The following A3GALT2 variants were observed in gnomAD, a reference collection of about 807,000 sequenced individuals.
The protein encoded by A3GALT2 is alpha-1,3-galactosyltransferase 2.
In A3GALT2, 14 loss-of-function variants were observed where a neutral mutation model predicts 16.6. That is an observed-to-expected ratio of 0.84 (90% CI 0.56 to 1.32). The LOEUF is 1.32. A3GALT2 is among the 40% of genes most tolerant of loss of function. The pLI is 0.00. For missense variants in A3GALT2, 600 were observed against 490.9 expected (o/e 1.22, Z -2.10); for synonymous variants, 253 against 218.0 (o/e 1.16, Z -1.42).
Position 33,312,798 on chromosome 1 carries a change from G to T in A3GALT2, c.107+9C>A. 1 of 1,593,576 alleles carries T rather than the reference G, an allele frequency of 6.3e-7. No individual in the cohort carries two copies. ...TCCTACCTCAAGTGCTGGGGAAAGG[G>T]GCTTTTACCTGAATTTAGGGAGGCC... On this transcript the variant is annotated intron_variant, in intron 2 of 4. Coordinates refer to ENST00000442999, the MANE Select transcript of A3GALT2 (RefSeq NM_001080438.1).
At chr1:33,317,875 C>A (rs1388012443) in intron 1 of A3GALT2, among the ~76,000 whole-genome samples, 1 of 152,186 alleles carries the variant, frequency 6.6e-6, no homozygotes, top group Non-Finnish European at 1.5e-5. Context: ...GGAGCATTTC[C>A]TTTGAATGTC....
Position 33,307,245 on chromosome 1 carries a change from C to A in A3GALT2, c.544G>T (p.Ala182Ser). 1 of 1,478,978 alleles carries A rather than the reference C, an allele frequency of 6.8e-7. No individual in the cohort carries two copies. Among genetic ancestry groups the A allele is most frequent in the Non-Finnish European group, 9.0e-7 (1 of 1,116,104 alleles). The allele number at this position is 1,478,978 out of a possible 1,614,324, so 91.6% of individuals were successfully genotyped here. Residue 182 changes from alanine (A) to serine (S), a missense_variant, in exon 5 of 5, where the codon GCG (alanine) becomes TCG (serine). By Grantham distance (99) the Ala-to-Ser change is moderately conservative (BLOSUM62 1). Transcript: ENST00000442999. ...VSMARMRTLH[A>S]ALGGLPGREA... Reference sequence around the variant, plus strand: ...CGGCCCGGCAGCCCGCCCAGCGCCGCGTGCAACGTGCGCATGCGCGCCATC... The same window carrying A: ...CGGCCCGGCAGCCCGCCCAGCGCCGAGTGCAACGTGCGCATGCGCGCCATC...
At chr1:33,319,504 T>C (rs941901054) in intron 1 of A3GALT2, among the ~76,000 whole-genome samples, 5 of 152,212 alleles carry the variant, frequency 3.3e-5, no homozygotes, top group Admixed American at 6.5e-5. Context: ...CCCTCTTTGC[T>C]ACACATATAA....
At chr1:33,312,963 G>A (rs531531011) in intron 1 of A3GALT2, 73 bp from the exon 2 acceptor site, 14 of 1,209,618 alleles carry the variant, frequency 1.2e-5, no homozygotes, top group Non-Finnish European at 1.7e-5. Flanking sequence ...ACACATACAT[G>A]AAAAGTCTTT....
At position 33,309,988 on chromosome 1, in the gene A3GALT2, C is replaced by T. The variant is rs1235118795; in HGVS notation, c.335+2064G>A. Among the ~76,000 whole-genome samples the T allele has an allele frequency of 5.3e-5, 8 of 152,360 alleles. No homozygotes were observed. In the East Asian group the frequency reaches 1.3e-3, roughly 26 times the overall value. The stretch of plus-strand genomic sequence containing the variant: ...TGGAGGTTGTAGCGAACTGAGATCA[C>T]GCCACTGCACTCCAGCCTGGGCAAC... On this transcript the variant is annotated intron_variant, in intron 4 of 4. Transcript: ENST00000442999.
intron 4 of A3GALT2, among the ~76,000 whole-genome samples, chr1:33,310,054 C>T (rs1001668437): frequency 1.4e-4 from 22 of 152,284 alleles, no homozygotes; most frequent in Non-Finnish European, 3.1e-4. Flanking sequence ...GCAATCCCGG[C>T]ACCTCGGGAG....
In A3GALT2 at chr1:33,312,845, G is replaced by T. The variant is rs1646242014; in HGVS notation, c.69C>A (p.Gly23=). ...IFWRQILLTL[G]LLGLFLYGLP... is the part of the protein sequence containing the mutation. ...GGCCATACAGAAACAGGCCTAAGAGGCCAAGTGTAAGTAGGATCTGCCGCC... is the reference window on the plus strand; with the variant it reads ...GGCCATACAGAAACAGGCCTAAGAGTCCAAGTGTAAGTAGGATCTGCCGCC... The change falls in exon 2 of 5, where the codon GGC becomes GGA. Residue 23 remains glycine, a synonymous_variant. Transcript: ENST00000442999. 2 of 1,606,372 alleles carry T rather than the reference G, an allele frequency of 1.2e-6. No homozygotes were observed. The highest frequency in any genetic ancestry group is 1.7e-6 in the Non-Finnish European group (2 of 1,176,624).
At position 33,321,082 on chromosome 1, in the gene A3GALT2, C is replaced by T; in HGVS notation, c.17G>A (p.Gly6Glu). 3.1e-6 allele frequency: 5 copies of T among 1,613,100 alleles called. No homozygotes were observed. The highest frequency in any genetic ancestry group is 2.2e-5 in the East Asian group (1 of 44,866). Residue 6 changes from glycine (G) to glutamate (E), a missense_variant, in exon 1 of 5, where the codon GGA (glycine) becomes GAA (glutamate). Transcript: ENST00000442999. ...TACCATTGTCCCCCCTCACCTGAGT[C>T]CCTCCTTGAGAGCCATATGGGGAAG... MALKE[G>E]LRAWKRIFWR...
Position 33,307,005 on chromosome 1 carries a change from C to T in A3GALT2, c.784G>A (p.Val262Met). The change falls in exon 5 of 5, where the codon GTG becomes ATG. Residue 262 changes from valine (V) to methionine (M), a missense_variant. Val to Met is a conservative substitution (Grantham distance 21). Coordinates refer to ENST00000442999, the MANE Select transcript of A3GALT2 (RefSeq NM_001080438.1). ...YNHAAVFGGSVAALRGLTAHC... is the reference protein window; with the variant it reads ...YNHAAVFGGSMAALRGLTAHC... ...GCCGTCAGCCCGCGCAGCGCCGCCA[C>T]GCTGCCCCCGAACACCGCCGCGTGG... The T allele has an allele frequency of 6.9e-7, 1 of 1,458,576 alleles. No homozygotes were observed. The allele number at this position is 1,458,576 out of a possible 1,614,324, so 90.4% of individuals were successfully genotyped here.
chr1:33,311,877 G>A (rs1039264935), intron 4 of A3GALT2, among the ~76,000 whole-genome samples, 175 bp downstream of exon 4: 2 of 152,232 alleles, frequency 1.3e-5, no homozygotes, highest in Non-Finnish European at 2.9e-5. Context: ...CAGGGAGGAG[G>A]AGAAGGATGG....
At chr1:33,308,573 T>G (rs893455308) in intron 4 of A3GALT2, among the ~76,000 whole-genome samples, 6 of 151,376 alleles carry the variant, frequency 4.0e-5, no homozygotes, top group Admixed American at 6.6e-5. Flanking sequence ...CCCGGCCAAT[T>G]TTTTTGTATT....
Position 33,307,253 on chromosome 1 carries a change from G to A in A3GALT2, c.536C>T (p.Thr179Met), listed in dbSNP as rs1194280556. 1.4e-6 allele frequency: 2 copies of A among 1,469,806 alleles called. No individual in the cohort carries two copies. Among genetic ancestry groups the A allele is most frequent in the Middle Eastern group, 1.7e-4 (1 of 5,738 alleles). The allele number at this position is 1,469,806 out of a possible 1,614,324, so 91.0% of individuals were successfully genotyped here. A position where few individuals can be genotyped will look rare whatever the true frequency, so the allele number is the denominator to read the frequency against. Residue 179 changes from threonine to methionine, a missense_variant, in exon 5 of 5, where the codon ACG (threonine) becomes ATG (methionine). Coordinates refer to ENST00000442999, the MANE Select transcript of A3GALT2 (RefSeq NM_001080438.1). ...CAGCCCGCCCAGCGCCGCGTGCAAC[G>A]TGCGCATGCGCGCCATCGACACGTC... The part of the protein sequence containing the change: ...WQDVSMARMR[T>M]LHAALGGLPG...
In A3GALT2 at chr1:33,320,360, A is replaced by G. The variant is rs987370951; in HGVS notation, c.23+716T>C. Among the ~76,000 whole-genome samples the G allele has an allele frequency of 6.6e-6, 1 of 152,034 alleles. No individual in the cohort carries two copies. The highest frequency in any genetic ancestry group is 2.4e-5 in the African/African-American group (1 of 41,452). On this transcript the variant is annotated intron_variant, in intron 1 of 4. Transcript: ENST00000442999. This position sits in a 1 kb window ranked among gnomAD's most constrained non-coding sequence, Gnocchi z 4.3. Reference sequence around the variant, plus strand: ...TCACCAGCCTCCTCCCAACCAGGGTAGGGCAAACCGATGCTTATTCTGGGC... The same window carrying G: ...TCACCAGCCTCCTCCCAACCAGGGTGGGGCAAACCGATGCTTATTCTGGGC...
At chr1:33,317,644 C>T (rs1235451629) in intron 1 of A3GALT2, among the ~76,000 whole-genome samples, 1 of 152,164 alleles carries the variant, frequency 6.6e-6, no homozygotes, top group Non-Finnish European at 1.5e-5. Flanking sequence ...TTCCCATAGC[C>T]TTCTCTGAAA....
rs775876077 is a variant in A3GALT2 at position 33,312,184 on chromosome 1, C to T, written c.203G>A (p.Arg68Gln). 17 of 1,613,116 alleles carry T rather than the reference C, an allele frequency of 1.1e-5. No individual in the cohort carries two copies. Among genetic ancestry groups the T allele is most frequent in the Middle Eastern group, 3.3e-4 (2 of 6,084 alleles). Residue 68 changes from arginine to glutamine, a missense_variant, in exon 4 of 5, where the codon CGG (arginine) becomes CAG (glutamine). Transcript: ENST00000442999. ...GGGGGTACAGGTCAGAACTTCAGGC[C>T]GGGCCCTGGCCAGGGCAGGGATGGG... ...NFTGALRPWA[R>Q]PEVLTCTPWG...
intron 4 of A3GALT2, among the ~76,000 whole-genome samples, chr1:33,308,750 G>GTTTTTTTTTTTTTTTGTTTTTT (rs1646216436): frequency 2.2e-5 from 1 of 46,130 alleles, no homozygotes; most frequent in South Asian, 1.0e-3. Flanking sequence ...TGTCAAAGTT[G>GTTTTTTTTTTTTTTTGTTTTTT]TTTTTTTTTT....
chr1:33,310,032 G>C (rs1207798460), intron 4 of A3GALT2, among the ~76,000 whole-genome samples: 1 of 152,250 alleles, frequency 6.6e-6, no homozygotes, highest in South Asian at 2.1e-4. Flanking sequence ...CTGAGTGAGC[G>C]AGACTCCGTC....
chr1:33,313,182 T>TTTG (rs1646244225), intron 1 of A3GALT2: 1 of 242,644 alleles, frequency 4.1e-6, no homozygotes, highest in Non-Finnish European at 7.6e-6. Context: ...GGAGTTTTTT[T>TTTG]TTTTTTTTTT....
At chr1:33,318,006 A>G (rs146669195) in intron 1 of A3GALT2, among the ~76,000 whole-genome samples, 14 of 152,342 alleles carry the variant, frequency 9.2e-5, no homozygotes, top group African/African-American at 3.4e-4. Flanking sequence ...AGGTAGATTT[A>G]TATGTACTCT....
Sources: gnomAD v4.1 joint callset for allele counts (sites outside exome capture counted in the v4.1 genomes callset) on GRCh38, gnomAD v4.1.1 for gene constraint, Gnocchi (gnomAD v3.1) non-coding constraint, MANE v1.5 for transcripts, NCBI Gene and HGNC (gene_info 2026-07-23, HGNC 2026-07-21) for gene names.